CEP295: variants seen among roughly 807,000 people sequenced by gnomAD.
CEP295 encodes centrosomal protein 295.
A neutral mutation model predicts 291.6 loss-of-function variants in CEP295; 190 were observed. The ratio of observed to expected loss-of-function variants is 0.65; its 90% confidence interval spans 0.58 to 0.73. The LOEUF is 0.73. Among genes scored for constraint, CEP295 ranks in the 30% least tolerant of loss-of-function variants. The pLI is 0.00. For missense variants in CEP295, 2,863 were observed against 2,949.4 expected, an observed-to-expected ratio of 0.97 and a Z score of 0.68; for synonymous variants, 993 against 1,038.8, an observed-to-expected ratio of 0.96 and a Z score of 0.85.
At chr11:93,709,582 C>T (rs191892525) in intron 18 of CEP295, among the ~76,000 whole-genome samples, 94 of 152,118 alleles carry the variant, frequency 6.2e-4, no homozygotes, top group African/African-American at 2.2e-3. Flanking sequence ...AGGTAGATTC[C>T]TCCAGTTTTG....
chr11:93,668,134 TGG>T (rs1371279548), intron 3 of CEP295, among the ~76,000 whole-genome samples: 9 of 152,264 alleles, frequency 5.9e-5, no homozygotes, highest in Non-Finnish European at 1.0e-4. Flanking sequence ...TTGACAGATT[TGG>T]TGGGGTGAAT....
At chr11:93,694,580 A>T (rs1951756618) in intron 12 of CEP295, among the ~76,000 whole-genome samples, 1 of 152,182 alleles carries the variant, frequency 6.6e-6, no homozygotes, top group Non-Finnish European at 1.5e-5. Context: ...AATAAGGGTT[A>T]TTTGAACACA....
chr11:93,727,256 T>A lies in CEP295; in HGVS notation c.6780T>A (p.Gly2260=). 1 of 1,551,728 alleles carries A rather than the reference T, an allele frequency of 6.4e-7. No homozygotes were observed. The change falls in exon 24 of 30, where the codon GGT becomes GGA. Residue 2260 remains glycine (G), a synonymous_variant. Transcript: ENST00000325212. ...QLNVQHSTPC[G]SNSSECSTKH... ...ATGTACAGCATAGCACTCCATGTGG[T>A]TCTAACTCTAGTGAGTGCTCAACAA...
chr11:93,699,712 A>T lies in CEP295; in HGVS notation c.4800A>T (p.Gln1600His), dbSNP rs758246918. The change falls in exon 15 of 30, where the codon CAA (glutamine) becomes CAT (histidine). Residue 1600 changes from glutamine (Q) to histidine (H), a missense_variant. Gln to His is a conservative substitution (Grantham distance 24). This residue lies in a region of CEP295 where 2,295 missense variants were observed against 2,335.7 expected (regional missense o/e 0.98). Transcript: ENST00000325212. ...TATCAAAGCCTATTCTGCCTCAGCA[A>T]GATAATATGACAGCACAATTGGATG... ...LSLSKPILPQQDNMTAQLDAQ... is the reference protein window; with the variant it reads ...LSLSKPILPQHDNMTAQLDAQ... The T allele has an allele frequency of 6.4e-7, 1 of 1,551,746 alleles. No individual in the cohort carries two copies. The highest frequency in any genetic ancestry group is 1.2e-5 in the South Asian group (1 of 84,060).
chr11:93,701,092 G>C (rs1952128672), intron 15 of CEP295, among the ~76,000 whole-genome samples: 1 of 152,096 alleles, frequency 6.6e-6, no homozygotes, highest in Non-Finnish European at 1.5e-5. Flanking sequence ...TGCTGGACAT[G>C]GTGACTCAGG....
At position 93,691,950 on chromosome 11, in the gene CEP295, A is replaced by G; in HGVS notation, c.1453A>G (p.Thr485Ala). The part of the protein sequence containing the change: ...EQEINETLPI[T>A]TVAQSSVLLH... ...AGAAATAAATGAGACTCTGCCTATCACAACTGTAGCTCAGAGTTCAGTTCT... is the reference window on the plus strand; with the variant it reads ...AGAAATAAATGAGACTCTGCCTATCGCAACTGTAGCTCAGAGTTCAGTTCT... The change falls in exon 12 of 30, where the codon ACA (threonine) becomes GCA (alanine). Residue 485 changes from threonine (T) to alanine (A), a missense_variant. This residue lies in a region of CEP295 where 554 missense variants were observed against 576.0 expected (regional missense o/e 0.96). Transcript: ENST00000325212. 6.5e-7 allele frequency: 1 copy of G among 1,545,086 alleles called. No homozygotes were observed. Among genetic ancestry groups the G allele is most frequent in the Non-Finnish European group, 8.8e-7 (1 of 1,142,020 alleles).
intron 7 of CEP295, among the ~76,000 whole-genome samples, chr11:93,681,281 G>A (rs1304699130): frequency 6.6e-6 from 1 of 150,944 alleles, no homozygotes; most frequent in Non-Finnish European, 1.5e-5. Context: ...CTGTCGCCCA[G>A]GCTGGAGTGC....
chr11:93,691,937 G>A lies in CEP295; in HGVS notation c.1440G>A (p.Glu480=), dbSNP rs1467509746. The change falls in exon 12 of 30, where the codon GAG becomes GAA. Residue 480 remains glutamate (E), a synonymous_variant. Coordinates refer to ENST00000325212, the MANE Select transcript of CEP295 (RefSeq NM_033395.2). Reference sequence around the variant, plus strand: ...GGGGCATTCCCCTAGAAATAAATGAGACTCTGCCTATCACAACTGTAGCTC... The same window carrying A: ...GGGGCATTCCCCTAGAAATAAATGAAACTCTGCCTATCACAACTGTAGCTC... ...TNSGKEQEIN[E]TLPITTVAQS... The A allele has an allele frequency of 6.5e-7, 1 of 1,539,500 alleles. No homozygotes were observed. Among genetic ancestry groups the A allele is most frequent in the Non-Finnish European group, 8.8e-7 (1 of 1,138,304 alleles).
At chr11:93,701,084 C>A (rs996317780) in intron 15 of CEP295, among the ~76,000 whole-genome samples, 11 of 152,146 alleles carry the variant, frequency 7.2e-5, no homozygotes, top group Admixed American at 3.3e-4. Context: ...GCCAGTTCTG[C>A]TGGACATGGT....
intron 18 of CEP295, among the ~76,000 whole-genome samples, chr11:93,713,381 G>A (rs1953039188): frequency 1.3e-5 from 2 of 152,042 alleles, no homozygotes; most frequent in Non-Finnish European, 2.9e-5. Context: ...TGTAGGACAG[G>A]TCTGGTTTTG....
Position 93,700,109 on chromosome 11 carries a change from G to A in CEP295, c.5197G>A (p.Val1733Ile), listed in dbSNP as rs779393845. Residue 1733 changes from valine (V) to isoleucine (I), a missense_variant, in exon 15 of 30, where the codon GTA becomes ATA. Around this residue, in one of 3 missense-constraint regions of CEP295, gnomAD observed 2,295 missense variants for 2,335.7 expected, o/e 0.98. Coordinates refer to ENST00000325212, the MANE Select transcript of CEP295 (RefSeq NM_033395.2). ...YSQKAQEKLLVQRQTALQQQI... is the reference protein window; with the variant it reads ...YSQKAQEKLLIQRQTALQQQI... ...CCAGAAAGCCCAGGAAAAATTGCTTGTACAGAGACAAACAGCATTGCAGCA... is the reference window on the plus strand; with the variant it reads ...CCAGAAAGCCCAGGAAAAATTGCTTATACAGAGACAAACAGCATTGCAGCA... 1 of 1,551,730 alleles carries A rather than the reference G, an allele frequency of 6.4e-7. No homozygotes were observed. The highest frequency in any genetic ancestry group is 1.2e-5 in the South Asian group (1 of 84,060).
At chr11:93,705,845 G>C (rs557063917) in intron 17 of CEP295, among the ~76,000 whole-genome samples, 1 of 152,142 alleles carries the variant, frequency 6.6e-6, no homozygotes, top group South Asian at 2.1e-4. Context: ...TAGTGAGGAC[G>C]CTCACCTTAG....
intron 7 of CEP295, among the ~76,000 whole-genome samples, chr11:93,682,799 C>T (rs1951038643): frequency 6.6e-6 from 1 of 152,118 alleles, no homozygotes; most frequent in Non-Finnish European, 1.5e-5. Flanking sequence ...CTATAATGAA[C>T]AGTGTGCTAT....
chr11:93,723,684 T>G (rs1488560137), intron 21 of CEP295: 1 of 165,616 alleles, frequency 6.0e-6, no homozygotes, highest in Non-Finnish European at 1.3e-5. Flanking sequence ...ATATTATAGA[T>G]TAAATGAGAT....
chr11:93,667,566 A>G, intron 2 of CEP295, 41 bp from the exon 3 acceptor site: 1 of 1,432,164 alleles, frequency 7.0e-7, no homozygotes, highest in Non-Finnish European at 9.3e-7. Context: ...AAGTTTAAGT[A>G]AACCTCCTTT....
intron 15 of CEP295, among the ~76,000 whole-genome samples, chr11:93,702,195 G>A (rs947503993): frequency 1.3e-5 from 2 of 151,728 alleles, no homozygotes; most frequent in Admixed American, 6.6e-5. Flanking sequence ...CTGACTTCAG[G>A]TGTCCTGCCC....
intron 1 of CEP295, 75 bp from the exon 2 acceptor site, chr11:93,666,607 C>T (rs1950217912): frequency 1.6e-6 from 1 of 628,918 alleles, no homozygotes; most frequent in African/African-American, 1.8e-5. Context: ...AAAAAACAAA[C>T]AAAATTATTC....
intron 6 of CEP295, among the ~76,000 whole-genome samples, chr11:93,678,795 T>C (rs1361691962): frequency 6.6e-6 from 1 of 152,138 alleles, no homozygotes; most frequent in Non-Finnish European, 1.5e-5. Context: ...CTCTTTTTTG[T>C]GTTATTTATG....
At position 93,698,188 on chromosome 11, in the gene CEP295, T is replaced by C. The variant is rs956380435; in HGVS notation, c.3276T>C (p.Ser1092=). ...ATAGACAAAGAGATTTGGGGGACAG[T>C]AAGTCTGGGCTGGTGAGCTCTTCAT... ...LLHRQRDLGD[S]KSGLVSSSSS... Residue 1092 remains serine, a synonymous_variant, in exon 15 of 30, where the codon AGT becomes AGC. Transcript: ENST00000325212. 4.4e-5 allele frequency: 69 copies of C among 1,551,908 alleles called. No homozygotes were observed. Among genetic ancestry groups the C allele is most frequent in the Non-Finnish European group, 5.6e-5 (64 of 1,147,064 alleles).
Sources: gnomAD v4.1 joint callset for allele counts (sites outside exome capture counted in the v4.1 genomes callset) on GRCh38, gnomAD v4.1.1 for gene constraint, gnomAD v4.1.1 regional missense constraint, MANE v1.5 for transcripts, NCBI Gene and HGNC (gene_info 2026-07-23, HGNC 2026-07-21) for gene names.